The following INTS2 variants were observed in gnomAD, a reference collection of about 807,000 sequenced individuals.
The protein encoded by INTS2 is KIAA1287.
INTS2 carries 57 observed loss-of-function variants against 139.6 expected under a neutral mutation model. That is an observed-to-expected ratio of 0.41 (90% CI 0.33 to 0.51). The LOEUF (loss-of-function observed/expected upper bound fraction) is 0.51, where lower values mean the gene tolerates loss of function less well. Among genes scored for constraint, INTS2 ranks in the 20% least tolerant of loss-of-function variants. The pLI is 0.28. For synonymous variants in INTS2, 473 were observed against 493.4 expected (o/e 0.96, Z 0.55); for missense variants, 1,196 against 1,436.7 (o/e 0.83, Z 2.71).
Position 61,882,193 on chromosome 17 carries a change from G to A in INTS2, c.2090-1022C>T, listed in dbSNP as rs1028137958. Among the ~76,000 whole-genome samples, 1 of 152,142 alleles carries A rather than the reference G, an allele frequency of 6.6e-6. No individual in the cohort carries two copies. The highest frequency in any genetic ancestry group is 1.5e-5 in the Non-Finnish European group (1 of 68,020). ...AAGTAAGCAATGCCTCCATTCTACT[G>A]TAAGGAACAAACAATGCTGAAAGAC... On this transcript the variant is annotated intron_variant, in intron 16 of 24. Transcript: ENST00000251334. The surrounding 1 kb of genome is among the most constrained non-coding windows in gnomAD (Gnocchi z 4.7).
At chr17:61,884,376 C>T (rs915027349) in intron 16 of INTS2, among the ~76,000 whole-genome samples, 3 of 151,864 alleles carry the variant, frequency 2.0e-5, no homozygotes, top group African/African-American at 7.3e-5. Context: ...GCCTGTAATC[C>T]CAGCTATTTG....
At chr17:61,878,136 C>A (rs752138744) in intron 17 of INTS2, 48 bp from the exon 18 acceptor site, 5 of 1,198,700 alleles carry the variant, frequency 4.2e-6, no homozygotes, top group Non-Finnish European at 6.2e-6. Flanking sequence ...TACAGTTTAT[C>A]AAGCAGGAAG....
At chr17:61,874,394 G>C (rs2079111565) in intron 19 of INTS2, among the ~76,000 whole-genome samples, 1 of 152,170 alleles carries the variant, frequency 6.6e-6, no homozygotes, top group South Asian at 2.1e-4. Context: ...TAACAAGTGT[G>C]ACTCAAAGAT....
At chr17:61,899,805 G>C (rs116207144) in intron 9 of INTS2, among the ~76,000 whole-genome samples, 1 of 151,678 alleles carries the variant, frequency 6.6e-6, no homozygotes, top group African/African-American at 2.4e-5. Context: ...CCAGCTACAC[G>C]GGAGGCTAAG....
rs1049738346 is a variant in INTS2, at chr17:61,902,858, TAA to T, written c.1307+1600_1307+1601del. On this transcript the variant is annotated intron_variant, in intron 9 of 24. Coordinates refer to ENST00000251334, the MANE Select transcript of INTS2 (RefSeq NM_001351695.2). ...GCACTACAGCCTGGGTGAAAGAGCTTAAAAAAAAAAAAAAAAAAAAAACAGAG... is the reference window on the plus strand; with the variant it reads ...GCACTACAGCCTGGGTGAAAGAGCTTAAAAAAAAAAAAAAAAAAAACAGAG... Among the ~76,000 whole-genome samples the T allele has an allele frequency of 1.9e-3, 184 of 98,042 alleles. 2 individuals carry two copies. Among genetic ancestry groups the T allele is most frequent in the African/African-American group, 4.7e-3 (127 of 27,084 alleles). 64.3% of individuals were successfully genotyped at this position (98,042 alleles called of 152,430 possible). A position where few individuals can be genotyped will look rare whatever the true frequency, so the allele number is the denominator to read the frequency against.
In INTS2 at chr17:61,926,536, G is replaced by T. The variant is rs1567924430; in HGVS notation, c.109C>A (p.Leu37Ile). ...ASLSDPELRLLLPCLVRMALC... is the reference protein window; with the variant it reads ...ASLSDPELRLILPCLVRMALC... ...GCCATCCGTACCAAACAGGGCAGAA[G>T]AAGTCTTAATTCTGGATCACTTAAA... Residue 37 changes from leucine (L) to isoleucine (I), a missense_variant, in exon 2 of 25, where the codon CTT becomes ATT. By Grantham distance (5) the Leu-to-Ile change is conservative. This residue lies in a region of INTS2 where 31 missense variants were observed against 64.8 expected (regional missense o/e 0.48). Transcript: ENST00000251334. 1 of 1,613,818 alleles carries T rather than the reference G, an allele frequency of 6.2e-7. No homozygotes were observed. The highest frequency in any genetic ancestry group is 8.5e-7 in the Non-Finnish European group (1 of 1,179,780).
intron 3 of INTS2, among the ~76,000 whole-genome samples, chr17:61,924,645 T>C (rs1242869900): frequency 2.6e-5 from 4 of 152,032 alleles, no homozygotes; most frequent in African/African-American, 9.7e-5. Flanking sequence ...CTGGTCAACA[T>C]GGTGAAACCC....
intron 6 of INTS2, 92 bp downstream of exon 6, chr17:61,911,848 T>C (rs1189398477): frequency 1.4e-6 from 2 of 1,460,112 alleles, no homozygotes; most frequent in Non-Finnish European, 1.9e-6. Flanking sequence ...TAAATAAAAT[T>C]CCCCACCTCT....
intron 17 of INTS2, among the ~76,000 whole-genome samples, chr17:61,880,802 G>C (rs1426977939): frequency 7.2e-6 from 1 of 138,246 alleles, no homozygotes. Flanking sequence ...AGGAGTAAAA[G>C]GGGAAAGGGG....
Position 61,869,917 on chromosome 17 carries a change from A to T in INTS2, c.2850T>A (p.Asn950Lys). The change falls in exon 21 of 25, where the codon AAT becomes AAA. Residue 950 changes from asparagine to lysine, a missense_variant. By Grantham distance (94) the Asn-to-Lys change is moderately conservative. This residue lies in a region of INTS2 where 1,129 missense variants were observed against 1,341.9 expected (regional missense o/e 0.84). Coordinates refer to ENST00000251334, the MANE Select transcript of INTS2 (RefSeq NM_001351695.2). The surrounding 1 kb of genome is among the most constrained non-coding windows in gnomAD (Gnocchi z 5.4). ...GAACATTTCTTAACAAGCTATCTGG[A>T]TTGACACCATTTGCTTTCTCCTCTT... ...PTEEEKANGVNPDSLLRNVQS... is the reference protein window; with the variant it reads ...PTEEEKANGVKPDSLLRNVQS... 6.2e-7 allele frequency: 1 copy of T among 1,613,844 alleles called. No homozygotes were observed. The highest frequency in any genetic ancestry group is 8.5e-7 in the Non-Finnish European group (1 of 1,179,768).
chr17:61,922,209 G>A (rs888982754), intron 3 of INTS2, among the ~76,000 whole-genome samples: 2 of 152,070 alleles, frequency 1.3e-5, no homozygotes, highest in Non-Finnish European at 2.9e-5. Context: ...AGTGGCTGAC[G>A]CCTGTAATCC....
intron 5 of INTS2, among the ~76,000 whole-genome samples, chr17:61,913,624 T>C (rs2079549508): frequency 6.6e-6 from 1 of 152,116 alleles, no homozygotes; most frequent in South Asian, 2.1e-4. Flanking sequence ...CAGAATGACA[T>C]CTTTAAATAG....
chr17:61,920,180 CTTTTTTT>C (rs772038233), intron 4 of INTS2, among the ~76,000 whole-genome samples: 2 of 119,158 alleles, frequency 1.7e-5, no homozygotes, highest in Non-Finnish European at 3.5e-5. Flanking sequence ...ATCTTATTTG[CTTTTTTT>C]TTTTTTTTTT....
chr17:61,874,914 T>A lies in INTS2; in HGVS notation c.2581A>T (p.Arg861Ter). Residue 861 changes from arginine (R) to a stop codon, truncating the protein, a stop_gained and splice_region_variant, in exon 19 of 25, where the codon AGA becomes TGA. Coordinates refer to ENST00000251334, the MANE Select transcript of INTS2 (RefSeq NM_001351695.2). LOFTEE classifies it high-confidence loss of function. The part of the protein sequence containing the change: ...IVLRCDQRVH[R>*]CPPLMDITLH... ...AAATGAAACTCAAATGACATGTACC[T>A]GTGAACCCTCTGATCACACCTTAGG... 6.3e-7 allele frequency: 1 copy of A among 1,584,028 alleles called. No individual in the cohort carries two copies. Among genetic ancestry groups the A allele is most frequent in the Non-Finnish European group, 8.6e-7 (1 of 1,165,400 alleles).
chr17:61,893,797 G>A lies in INTS2; in HGVS notation c.1666C>T (p.Arg556Cys). The change falls in exon 13 of 25, where the codon CGT becomes TGT. Residue 556 changes from arginine to cysteine, a missense_variant. Physicochemically the swap from Arg to Cys is radical, Grantham distance 180. Around this residue, in one of 3 missense-constraint regions of INTS2, gnomAD observed 1,129 missense variants for 1,341.9 expected, o/e 0.84. Transcript: ENST00000251334. This position sits in a 1 kb window ranked among gnomAD's most constrained non-coding sequence, Gnocchi z 5.4. Reference sequence around the variant, plus strand: ...GACACTTTGTGCTTGGTAAAGGAACGGCTCCTGAGAAGCTGGTAAATACAA... The same window carrying A: ...GACACTTTGTGCTTGGTAAAGGAACAGCTCCTGAGAAGCTGGTAAATACAA... ...IHCIYQLLRS[R>C]SFTKHKVSIK... 1.3e-6 allele frequency: 2 copies of A among 1,588,094 alleles called. No individual in the cohort carries two copies. Among genetic ancestry groups the A allele is most frequent in the Non-Finnish European group, 1.7e-6 (2 of 1,165,940 alleles).
intron 3 of INTS2, among the ~76,000 whole-genome samples, chr17:61,922,369 G>A (rs2079650796): frequency 6.7e-6 from 1 of 149,358 alleles, no homozygotes; most frequent in African/African-American, 2.5e-5. Flanking sequence ...TCAGGAGGCT[G>A]AGGCAGGAGA....
intron 9 of INTS2, among the ~76,000 whole-genome samples, chr17:61,899,958 A>G (rs1191820947): frequency 6.6e-6 from 1 of 151,970 alleles, no homozygotes; most frequent in African/African-American, 2.4e-5. Flanking sequence ...ATTTGAGATA[A>G]TGTTTAGAAA....
chr17:61,912,902 C>T (rs2079542047), intron 5 of INTS2, among the ~76,000 whole-genome samples: 1 of 151,968 alleles, frequency 6.6e-6, no homozygotes, highest in African/African-American at 2.4e-5. Flanking sequence ...ATGGTGAAAC[C>T]CTGTCTCTAC....
Position 61,873,371 on chromosome 17 carries a change from T to A in INTS2, c.2583-911A>T, listed in dbSNP as rs572885101. On this transcript the variant is annotated intron_variant, in intron 19 of 24. Transcript: ENST00000251334. This position sits in a 1 kb window ranked among gnomAD's most constrained non-coding sequence, Gnocchi z 4.0. ...AGACCCCCAACTCAAAAAATAAAAATAAATTTGAAATAAGAACATTAACAT... is the reference window on the plus strand; with the variant it reads ...AGACCCCCAACTCAAAAAATAAAAAAAAATTTGAAATAAGAACATTAACAT... Among the ~76,000 whole-genome samples the A allele has an allele frequency of 3.3e-5, 5 of 151,540 alleles. No individual in the cohort carries two copies. The highest frequency in any genetic ancestry group is 3.3e-4 in the Admixed American group (5 of 15,206).
Sources: gnomAD v4.1 joint callset for allele counts (sites outside exome capture counted in the v4.1 genomes callset) on GRCh38, gnomAD v4.1.1 for gene constraint, gnomAD v4.1.1 regional missense constraint, Gnocchi (gnomAD v3.1) non-coding constraint, MANE v1.5 for transcripts, NCBI Gene and HGNC (gene_info 2026-07-23, HGNC 2026-07-21) for gene names.